Variants in SLC25A37 observed in about 807,000 individuals in gnomAD.
SLC25A37 encodes mitoferrin-1.
A neutral mutation model predicts 31.0 loss-of-function variants in SLC25A37; 17 were observed. The observed-to-expected ratio is 0.55, with a 90% CI of 0.38 to 0.82. The LOEUF (loss-of-function observed/expected upper bound fraction) is 0.82, where lower values mean the gene tolerates loss of function less well. Among genes scored for constraint, SLC25A37 ranks in the 40% least tolerant of loss-of-function variants. The probability of loss-of-function intolerance (pLI) is 0.00; values close to 1 mark genes in which losing one functional copy is unlikely to be tolerated. For synonymous variants in SLC25A37, 222 were observed against 193.0 expected, an observed-to-expected ratio of 1.15 and a Z score of -1.24; for missense variants, 404 against 465.8, an observed-to-expected ratio of 0.87 and a Z score of 1.22.
intron 3 of SLC25A37, among the ~76,000 whole-genome samples, chr8:23,569,991 T>C (rs1333678227): frequency 6.6e-6 from 1 of 152,168 alleles, no homozygotes; most frequent in Admixed American, 6.5e-5. Context: ...TCTTTCAAGG[T>C]GAAGCTATTA....
At chr8:23,536,350 C>T (rs1034333030) in intron 1 of SLC25A37, among the ~76,000 whole-genome samples, 2 of 152,166 alleles carry the variant, frequency 1.3e-5, no homozygotes, top group Admixed American at 6.5e-5. Flanking sequence ...TCCTCACTGC[C>T]ACCCCTGCTT....
chr8:23,570,395 T>G (rs1384104733), intron 3 of SLC25A37, among the ~76,000 whole-genome samples: 1 of 126,776 alleles, frequency 7.9e-6, no homozygotes, highest in Non-Finnish European at 1.6e-5. Context: ...GAGGCATTCT[T>G]AGGTAAGCGG....
Position 23,573,488 on chromosome 8 carries a change from G to T in SLC25A37, c.*1633G>T. The T allele has an allele frequency of 4.7e-6, 1 of 214,156 alleles. No individual in the cohort carries two copies. 13.3% of individuals were successfully genotyped at this position (214,156 alleles called of 1,614,324 possible). ...TGTATGTTTGCATTTCAGTGAGCCGGGTCCTGACCTGCCGCCACCCATCAC... is the reference window on the plus strand; with the variant it reads ...TGTATGTTTGCATTTCAGTGAGCCGTGTCCTGACCTGCCGCCACCCATCAC... On this transcript the variant is annotated 3_prime_UTR_variant, in exon 4 of 4. Transcript: ENST00000519973.
At chr8:23,542,266 T>C (rs1801914439) in intron 1 of SLC25A37, among the ~76,000 whole-genome samples, 1 of 152,138 alleles carries the variant, frequency 6.6e-6, no homozygotes, top group South Asian at 2.1e-4. Context: ...TGTAAAAGTA[T>C]AGCACACACA....
At chr8:23,556,281 C>T (rs1223212818) in intron 1 of SLC25A37, among the ~76,000 whole-genome samples, 2 of 148,796 alleles carry the variant, frequency 1.3e-5, no homozygotes, top group African/African-American at 5.0e-5. Flanking sequence ...AGTGCGGTGA[C>T]ATGATCATAG....
At position 23,574,649 on chromosome 8, in the gene SLC25A37, TAGA is replaced by T. The variant is rs2117479182; in HGVS notation, c.*2796_*2798del. The T allele has an allele frequency of 6.5e-6, 1 of 154,980 alleles. No homozygotes were observed. The highest frequency in any genetic ancestry group is 1.9e-4 in the East Asian group (1 of 5,192). The allele number at this position is 154,980 out of a possible 1,614,324, so 9.6% of individuals were successfully genotyped here. A position where few individuals can be genotyped will look rare whatever the true frequency, so the allele number is the denominator to read the frequency against. On this transcript the variant is annotated 3_prime_UTR_variant, in exon 4 of 4. Coordinates refer to ENST00000519973, the MANE Select transcript of SLC25A37 (RefSeq NM_016612.4). ...CAGATACAAGTGTTTGTTAATTTTG[TAGA>T]AATTAACTTTCCCATCTGGCCTTTA...
rs750612377 is a variant in SLC25A37 at position 23,571,648 on chromosome 8, C to G, written c.810C>G (p.Leu270=). Residue 270 remains leucine (L), a synonymous_variant, in exon 4 of 4, where the codon CTC becomes CTG. Transcript: ENST00000519973. ...TLLNTQENVA[L]SLANISGRLS... ...TGAACACTCAGGAGAACGTGGCCCT[C>G]TCGCTGGCCAACATCAGCGGCCGGC... The G allele has an allele frequency of 1.9e-6, 3 of 1,613,982 alleles. No individual in the cohort carries two copies. Among genetic ancestry groups the G allele is most frequent in the Non-Finnish European group, 2.5e-6 (3 of 1,179,884 alleles).
At position 23,571,410 on chromosome 8, in the gene SLC25A37, C is replaced by G. The variant is rs1229903810; in HGVS notation, c.572C>G (p.Thr191Ser). The G allele has an allele frequency of 6.2e-7, 1 of 1,613,698 alleles. No homozygotes were observed. The highest frequency in any genetic ancestry group is 1.1e-5 in the South Asian group (1 of 91,058). ...AISCIRTVWRTEGLGAFYRSY... is the reference protein window; with the variant it reads ...AISCIRTVWRSEGLGAFYRSY... The stretch of plus-strand genomic sequence containing the variant: ...AGCTGCATCCGGACGGTGTGGAGGA[C>G]CGAGGGGTTGGGGGCCTTCTACCGG... Residue 191 changes from threonine to serine, a missense_variant, in exon 4 of 4, where the codon ACC becomes AGC. Physicochemically the swap from Thr to Ser is moderately conservative, Grantham distance 58. Around this residue, in one of 3 missense-constraint regions of SLC25A37, gnomAD observed 243 missense variants for 284.4 expected, o/e 0.85. Coordinates refer to ENST00000519973, the MANE Select transcript of SLC25A37 (RefSeq NM_016612.4).
intron 1 of SLC25A37, among the ~76,000 whole-genome samples, chr8:23,555,896 A>G (rs2117431360): frequency 6.6e-6 from 1 of 152,366 alleles, no homozygotes; most frequent in South Asian, 2.1e-4. Context: ...TAGGTGAGGC[A>G]GGGAAAGCCA....
rs988980038 is a variant in SLC25A37, at chr8:23,529,524, G to GCTCC, written c.210+314_210+317dup. Among the ~76,000 whole-genome samples the GCTCC allele has an allele frequency of 4.2e-4, 64 of 152,200 alleles. No individual in the cohort carries two copies. The highest frequency in any genetic ancestry group is 1.5e-3 in the African/African-American group (61 of 41,568). ...CACCGCTGGCTTCGGCGGCGACTGG[G>GCTCC]CTCCCGGGGGACGCGATCGCTGAAG... On this transcript the variant is annotated intron_variant, in intron 1 of 3. Transcript: ENST00000519973. This position sits in a 1 kb window ranked among gnomAD's most constrained non-coding sequence, Gnocchi z 4.1.
In SLC25A37 at chr8:23,573,823, GC is replaced by G. The variant is rs772865780; in HGVS notation, c.*1974del. 1 of 456,674 alleles carries G rather than the reference GC, an allele frequency of 2.2e-6. No homozygotes were observed. The highest frequency in any genetic ancestry group is 4.4e-6 in the Non-Finnish European group (1 of 226,966). The allele number at this position is 456,674 out of a possible 1,614,324, so 28.3% of individuals were successfully genotyped here. A position where few individuals can be genotyped will look rare whatever the true frequency, so the allele number is the denominator to read the frequency against. ...GCAGTTAACGCCTTCTCCCTGCTCT[GC>G]CCCCCACTCCCCAAAACCAGTTGCA... On this transcript the variant is annotated 3_prime_UTR_variant, in exon 4 of 4. Transcript: ENST00000519973.
intron 1 of SLC25A37, among the ~76,000 whole-genome samples, chr8:23,548,513 C>G (rs908338249): frequency 1.3e-5 from 2 of 150,648 alleles, no homozygotes; most frequent in Non-Finnish European, 3.0e-5. Context: ...GTTGCCCCCC[C>G]AGGATGGAGT....
In SLC25A37 at chr8:23,573,728, C is replaced by G. The variant is rs1802920281; in HGVS notation, c.*1873C>G. 1 of 443,980 alleles carries G rather than the reference C, an allele frequency of 2.3e-6. No homozygotes were observed. The highest frequency in any genetic ancestry group is 2.0e-5 in the African/African-American group (1 of 49,812). 27.5% of individuals were successfully genotyped at this position (443,980 alleles called of 1,614,324 possible). Reference sequence around the variant, plus strand: ...TGGGAAAGAGCCAAACTGGGTACCTCCCACGTGTGCCCCGTGAACAGCCCT... The same window carrying G: ...TGGGAAAGAGCCAAACTGGGTACCTGCCACGTGTGCCCCGTGAACAGCCCT... On this transcript the variant is annotated 3_prime_UTR_variant, in exon 4 of 4. Transcript: ENST00000519973.
Position 23,529,082 on chromosome 8 carries a change from G to T in SLC25A37, c.80G>T (p.Gly27Val). 6.2e-7 allele frequency: 1 copy of T among 1,600,348 alleles called. No homozygotes were observed. Among genetic ancestry groups the T allele is most frequent in the Non-Finnish European group, 8.5e-7 (1 of 1,174,548 alleles). Residue 27 changes from glycine (G) to valine (V), a missense_variant, in exon 1 of 4, where the codon GGC (glycine) becomes GTC (valine). Transcript: ENST00000519973. The surrounding 1 kb of genome is among the most constrained non-coding windows in gnomAD (Gnocchi z 4.1). ...GGGGACAGCCGAGATGGCGGCGGCGGCAAGGACGCCACCGGGTCGGAGGAC... is the reference window on the plus strand; with the variant it reads ...GGGGACAGCCGAGATGGCGGCGGCGTCAAGGACGCCACCGGGTCGGAGGAC... Reference protein sequence around the residue: ...MDGDSRDGGGGKDATGSEDYE... With the variant: ...MDGDSRDGGGVKDATGSEDYE...
intron 1 of SLC25A37, among the ~76,000 whole-genome samples, chr8:23,536,415 A>T (rs1801769825): frequency 6.6e-6 from 1 of 151,872 alleles, no homozygotes; most frequent in African/African-American, 2.4e-5. Context: ...GCTACCCATC[A>T]TCTTCCTGGC....
intron 1 of SLC25A37, among the ~76,000 whole-genome samples, chr8:23,553,946 GGA>G (rs1489201646): frequency 6.6e-6 from 1 of 152,234 alleles, no homozygotes; most frequent in East Asian, 1.9e-4. Context: ...CAGGCACAGA[GGA>G]GGTGGCATCC....
intron 2 of SLC25A37, chr8:23,567,542 G>A (rs1490128716): frequency 1.3e-5 from 2 of 153,270 alleles, no homozygotes; most frequent in African/African-American, 4.8e-5. Context: ...AAGTGTGTGT[G>A]TGGTGGGGGA....
rs1350019297 is a variant in SLC25A37 at position 23,566,284 on chromosome 8, A to G, written c.387A>G (p.Lys129=). ...ATTTTGCCTGCTATGAAAACATGAAAAGGACTTTAAATGACGTTTTCCACC... is the reference window on the plus strand; with the variant it reads ...ATTTTGCCTGCTATGAAAACATGAAGAGGACTTTAAATGACGTTTTCCACC... The part of the protein sequence containing the change: ...AMYFACYENM[K]RTLNDVFHHQ... The change falls in exon 2 of 4, where the codon AAA becomes AAG. Residue 129 remains lysine (K), a synonymous_variant. Coordinates refer to ENST00000519973, the MANE Select transcript of SLC25A37 (RefSeq NM_016612.4). 1 of 1,597,806 alleles carries G rather than the reference A, an allele frequency of 6.3e-7. No individual in the cohort carries two copies. Among genetic ancestry groups the G allele is most frequent in the Admixed American group, 1.8e-5 (1 of 55,538 alleles).
At chr8:23,533,521 T>C (rs1208898584) in intron 1 of SLC25A37, among the ~76,000 whole-genome samples, 3 of 152,202 alleles carry the variant, frequency 2.0e-5, no homozygotes, top group African/African-American at 7.2e-5. Flanking sequence ...TGTCCTGTCT[T>C]GCAGCAGTGA....
Sources: allele counts gnomAD v4.1 joint callset (sites outside exome capture counted in the v4.1 genomes callset), GRCh38; gene constraint gnomAD v4.1.1; regional missense constraint gnomAD v4.1.1; non-coding constraint Gnocchi (gnomAD v3.1); transcripts MANE v1.5; gene names NCBI Gene and HGNC (gene_info 2026-07-23, HGNC 2026-07-21).